SYNE1: variants seen among roughly 807,000 people sequenced by gnomAD.
The protein encoded by SYNE1 is spectrin repeat containing nuclear envelope protein 1.
A neutral mutation model predicts 1,111.0 loss-of-function variants in SYNE1; 616 were observed. That is an observed-to-expected ratio of 0.55 (90% CI 0.52 to 0.59). The LOEUF (loss-of-function observed/expected upper bound fraction) is 0.59, where lower values mean the gene tolerates loss of function less well. Among genes scored for constraint, SYNE1 ranks in the 20% least tolerant of loss-of-function variants. The probability of loss-of-function intolerance (pLI) is 0.00; values close to 1 mark genes in which losing one functional copy is unlikely to be tolerated. For synonymous variants in SYNE1, 3,855 were observed against 3,825.8 expected (o/e 1.01, Z -0.28); for missense variants, 10,006 against 10,417.0 (o/e 0.96, Z 1.72).
intron 145 of SYNE1, among the ~76,000 whole-genome samples, chr6:152,124,363 TC>T (rs2052582171): frequency 6.6e-6 from 1 of 152,220 alleles, no homozygotes; most frequent in Admixed American, 6.5e-5. Context: ...ACGCAGTGTT[TC>T]TATACACTTC....
intron 72 of SYNE1, among the ~76,000 whole-genome samples, chr6:152,348,349 C>T (rs1472793479): frequency 1.3e-5 from 2 of 152,166 alleles, no homozygotes; most frequent in African/African-American, 4.8e-5. Flanking sequence ...CTTTAGTGAG[C>T]ATTCTTATAG....
At chr6:152,310,121 C>CAA in intron 89 of SYNE1, 104 bp from the exon 90 acceptor site, 14 of 1,077,984 alleles carry the variant, frequency 1.3e-5, no homozygotes, top group Non-Finnish European at 1.7e-5. Context: ...AAACATTTTG[C>CAA]AAAAAAAAAA....
chr6:152,428,234 C>G lies in SYNE1; in HGVS notation c.4947G>C (p.Ala1649=). 6.2e-7 allele frequency: 1 copy of G among 1,613,834 alleles called. No individual in the cohort carries two copies. Among genetic ancestry groups the G allele is most frequent in the African/African-American group, 1.3e-5 (1 of 75,070 alleles). The change falls in exon 37 of 146, where the codon GCG becomes GCC. Residue 1649 remains alanine, a synonymous_variant. Coordinates refer to ENST00000367255, the MANE Select transcript of SYNE1 (RefSeq NM_182961.4). ...GCCAGTGGGCCAGCAGATTCTCCAG[C>G]GCCGTCTGTCTCTCCTTCGCCCTCC... The part of the protein sequence containing the change: ...ILRRAKERQT[A]LENLLAHWQR...
intron 3 of SYNE1, among the ~76,000 whole-genome samples, chr6:152,551,388 CCTAAT>C (rs746069544): frequency 6.6e-6 from 1 of 152,016 alleles, no homozygotes; most frequent in African/African-American, 2.4e-5. Context: ...AGACTCTTAC[CCTAAT>C]CTAATTTTGA....
At chr6:152,566,806 A>T (rs576666513) in intron 3 of SYNE1, among the ~76,000 whole-genome samples, 4 of 152,234 alleles carry the variant, frequency 2.6e-5, no homozygotes, top group African/African-American at 9.6e-5. Context: ...TCTCGGGTAG[A>T]ATAACAATCC....
chr6:152,415,237 C>A (rs1359182038), intron 41 of SYNE1, among the ~76,000 whole-genome samples: 1 of 152,148 alleles, frequency 6.6e-6, no homozygotes, highest in Non-Finnish European at 1.5e-5. Flanking sequence ...TTCAAATTTA[C>A]TAAGGGAACT....
intron 108 of SYNE1, 32 bp downstream of exon 108, chr6:152,239,501 C>T: frequency 6.2e-7 from 1 of 1,613,746 alleles, no homozygotes; most frequent in African/African-American, 1.3e-5. Flanking sequence ...AGGAAGTTTG[C>T]AGCACAGAAG....
At chr6:152,509,770 T>G (rs555907519) in intron 8 of SYNE1, among the ~76,000 whole-genome samples, 1 of 152,072 alleles carries the variant, frequency 6.6e-6, no homozygotes, top group Admixed American at 6.5e-5. Context: ...AAAAAAAATG[T>G]TTTTGGAATG....
At chr6:152,634,904 G>A (rs1023793298) in intron 2 of SYNE1, among the ~76,000 whole-genome samples, 13 of 152,230 alleles carry the variant, frequency 8.5e-5, no homozygotes, top group South Asian at 2.1e-4. Flanking sequence ...AGAGGACCTC[G>A]CAGAGGCGTT....
intron 101 of SYNE1, among the ~76,000 whole-genome samples, chr6:152,257,148 C>T (rs561052797): frequency 6.6e-6 from 1 of 152,274 alleles, no homozygotes; most frequent in African/African-American, 2.4e-5. Flanking sequence ...GATGAGTCTG[C>T]TAATTACCCT....
At chr6:152,579,407 T>C (rs930146481) in intron 3 of SYNE1, among the ~76,000 whole-genome samples, 2 of 152,248 alleles carry the variant, frequency 1.3e-5, no homozygotes, top group African/African-American at 4.8e-5. Flanking sequence ...ATGTTCCAGC[T>C]AAAGTCTCAG....
At chr6:152,177,372 C>T (rs2066745262) in intron 129 of SYNE1, among the ~76,000 whole-genome samples, 1 of 152,164 alleles carries the variant, frequency 6.6e-6, no homozygotes, top group East Asian at 1.9e-4. Flanking sequence ...ACTCTCTTGC[C>T]ACAGTGACAG....
chr6:152,224,370 T>C, intron 117 of SYNE1, 124 bp downstream of exon 117: 1 of 962,074 alleles, frequency 1.0e-6, no homozygotes, highest in Non-Finnish European at 1.5e-6. Flanking sequence ...ATTTTAAAGA[T>C]CTTAAAAAAT....
At chr6:152,203,388 T>A (rs1320567506) in intron 126 of SYNE1, among the ~76,000 whole-genome samples, 1 of 152,208 alleles carries the variant, frequency 6.6e-6, no homozygotes, top group Non-Finnish European at 1.5e-5. Context: ...GTCTCCTTCA[T>A]GTTGTCCAAC....
chr6:152,526,163 T>C lies in SYNE1; in HGVS notation c.142A>G (p.Met48Val). 1.9e-6 allele frequency: 3 copies of C among 1,614,114 alleles called. No individual in the cohort carries two copies. Among genetic ancestry groups the C allele is most frequent in the South Asian group, 1.1e-5 (1 of 91,088 alleles). The change falls in exon 5 of 146, where the codon ATG (methionine) becomes GTG (valine). Residue 48 changes from methionine to valine, a missense_variant. Physicochemically the swap from Met to Val is conservative, Grantham distance 21. Coordinates refer to ENST00000367255, the MANE Select transcript of SYNE1 (RefSeq NM_182961.4). ...NSHLAKRKPP[M>V]VVDDLFEDMK... ...TCTTCAAAAAGATCGTCCACCACCA[T>C]TGGAGGTTTCCGCTGTAAAAGCAAA...
At chr6:152,188,956 T>C (rs1212118036) in intron 128 of SYNE1, among the ~76,000 whole-genome samples, 2 of 9,478 alleles carry the variant, frequency 2.1e-4, no homozygotes, top group African/African-American at 9.5e-4. Flanking sequence ...AGACTCTGTC[T>C]CAAAAAAAAA....
At chr6:152,367,071 C>T in intron 62 of SYNE1, 147 bp downstream of exon 62, 1 of 996,510 alleles carries the variant, frequency 1.0e-6, no homozygotes, top group Non-Finnish European at 1.6e-6. Context: ...GGCATGTGCA[C>T]CCAAGGCAGA....
chr6:152,244,165 T>G (rs780955023), intron 106 of SYNE1, among the ~76,000 whole-genome samples: 16 of 152,244 alleles, frequency 1.1e-4, no homozygotes, highest in Non-Finnish European at 1.5e-4. Context: ...TAAAATAGTA[T>G]TTGAAGACAT....
At chr6:152,227,956 A>G (rs1562331392) in intron 115 of SYNE1, among the ~76,000 whole-genome samples, 1 of 152,320 alleles carries the variant, frequency 6.6e-6, no homozygotes, top group East Asian at 1.9e-4. Context: ...TTTAAAAACA[A>G]TAAAACATTC....
Sources: gnomAD v4.1 joint callset for allele counts (sites outside exome capture counted in the v4.1 genomes callset) on GRCh38, gnomAD v4.1.1 for gene constraint, MANE v1.5 for transcripts, NCBI Gene and HGNC (gene_info 2026-07-23, HGNC 2026-07-21) for gene names.